Variants in GFRAL observed in about 807,000 individuals in gnomAD.
GFRAL encodes GDNF family receptor alpha like.
Under a neutral mutation model 45.4 loss-of-function variants are expected in GFRAL, and 36 were observed. The ratio of observed to expected loss-of-function variants is 0.79; its 90% CI spans 0.61 to 1.05. The LOEUF (loss-of-function observed/expected upper bound fraction) is 1.05, where lower values mean the gene tolerates loss of function less well. Among genes scored for constraint, GFRAL ranks in the 50% least tolerant of loss-of-function variants. The pLI, the probability that GFRAL is intolerant of heterozygous loss-of-function variation, is 0.00. For missense variants in GFRAL, 507 were observed against 467.5 expected (o/e 1.08, Z -0.78); for synonymous variants, 166 against 154.1 (o/e 1.08, Z -0.57).
chr6:55,337,057 G>A (rs1256256916), intron 3 of GFRAL, among the ~76,000 whole-genome samples: 1 of 151,860 alleles, frequency 6.6e-6, no homozygotes, highest in Non-Finnish European at 1.5e-5. Flanking sequence ...TAGTAAATTA[G>A]TGTTAACTAT....
chr6:55,331,941 T>G, intron 2 of GFRAL, 92 bp downstream of exon 2: 1 of 1,159,862 alleles, frequency 8.6e-7, no homozygotes, highest in Non-Finnish European at 1.2e-6. Context: ...AAGAACTAAG[T>G]TTTTTTCTAT....
chr6:55,371,132 G>A (rs1768445052), intron 6 of GFRAL, among the ~76,000 whole-genome samples: 1 of 152,090 alleles, frequency 6.6e-6, no homozygotes, highest in Non-Finnish European at 1.5e-5. Flanking sequence ...CTTTCACAAT[G>A]AAAAGTAATT....
chr6:55,348,494 T>C (rs1041904398), intron 3 of GFRAL, among the ~76,000 whole-genome samples: 2 of 152,086 alleles, frequency 1.3e-5, no homozygotes, highest in Admixed American at 1.3e-4. Flanking sequence ...AAAAATTGTA[T>C]TTTTCCCCAG....
intron 6 of GFRAL, among the ~76,000 whole-genome samples, chr6:55,362,859 A>C (rs1181274430): frequency 6.6e-6 from 1 of 151,726 alleles, no homozygotes; most frequent in Non-Finnish European, 1.5e-5. Flanking sequence ...AGGAGAAAGA[A>C]AAGGAGGAAG....
chr6:55,360,455 T>C (rs1308200249), intron 6 of GFRAL, among the ~76,000 whole-genome samples: 1 of 152,070 alleles, frequency 6.6e-6, no homozygotes, highest in Non-Finnish European at 1.5e-5. Context: ...TTTACACATT[T>C]ATATTTCTAT....
intron 1 of GFRAL, among the ~76,000 whole-genome samples, chr6:55,330,029 T>C (rs1000571310): frequency 3.9e-5 from 6 of 152,164 alleles, no homozygotes; most frequent in African/African-American, 1.4e-4. Context: ...TCAATCCCTG[T>C]ATTTTTTTCT....
intron 6 of GFRAL, among the ~76,000 whole-genome samples, chr6:55,390,198 G>A (rs1165679605): frequency 6.6e-6 from 1 of 152,180 alleles, no homozygotes; most frequent in African/African-American, 2.4e-5. Flanking sequence ...AGGTAAGTGA[G>A]AGAAGAGAAA....
At chr6:55,357,702 A>G (rs967935907) in intron 5 of GFRAL, among the ~76,000 whole-genome samples, 3 of 151,742 alleles carry the variant, frequency 2.0e-5, no homozygotes, top group African/African-American at 7.3e-5. Context: ...CAGTGTACCA[A>G]AGTAGTATTT....
At chr6:55,378,163 T>A (rs1194077404) in intron 6 of GFRAL, among the ~76,000 whole-genome samples, 1 of 151,938 alleles carries the variant, frequency 6.6e-6, no homozygotes, top group African/African-American at 2.4e-5. Context: ...AGAAAAGTAC[T>A]GGGAAAAGAA....
At chr6:55,338,918 G>A (rs1767924899) in intron 3 of GFRAL, among the ~76,000 whole-genome samples, 1 of 152,052 alleles carries the variant, frequency 6.6e-6, no homozygotes, top group African/African-American at 2.4e-5. Flanking sequence ...TTTAAATAGA[G>A]GAATGTATCA....
At chr6:55,397,524 CAAAAAAA>C (rs70986715) in intron 6 of GFRAL, among the ~76,000 whole-genome samples, 14 of 67,414 alleles carry the variant, frequency 2.1e-4, no homozygotes, top group African/African-American at 6.6e-4. Flanking sequence ...GACTCCGTCT[CAAAAAAA>C]AAAAAAAAAA....
At chr6:55,398,381 A>C (rs1768853696) in intron 6 of GFRAL, among the ~76,000 whole-genome samples, 1 of 151,698 alleles carries the variant, frequency 6.6e-6, no homozygotes, top group Admixed American at 6.6e-5. Flanking sequence ...TCATTACATA[A>C]ATTGGTTACT....
At chr6:55,368,391 C>T (rs1228646021) in intron 6 of GFRAL, among the ~76,000 whole-genome samples, 1 of 151,560 alleles carries the variant, frequency 6.6e-6, no homozygotes, top group African/African-American at 2.4e-5. Context: ...GTTTGAATGT[C>T]CTCCCGTAGC....
chr6:55,401,834 A>T lies in GFRAL; in HGVS notation c.1166A>T (p.Gln389Leu), dbSNP rs1481432896. The T allele has an allele frequency of 2.6e-6, 4 of 1,533,542 alleles. No homozygotes were observed. In the South Asian group the frequency reaches 3.4e-5, roughly 13 times the overall value. The allele number at this position is 1,533,542 out of a possible 1,614,324, so 95.0% of individuals were successfully genotyped here. Residue 389 changes from glutamine (Q) to leucine (L), a missense_variant, in exon 9 of 9, where the codon CAA (glutamine) becomes CTA (leucine). Gln to Leu is a moderately radical substitution (Grantham distance 113). Transcript: ENST00000340465. The part of the protein sequence containing the change: ...SSKARDPSSI[Q>L]IPGEL ...AAAGCAAGAGATCCTTCATCGATCC[A>T]AATACCTGGAGAACTCTGATTCATT...
rs552438869 is a variant in GFRAL at position 55,375,852 on chromosome 6, G to A, written c.952+16714G>A. ...TTCCTATCTGAATACCCTTTATTTC[G>A]TTCCCTTGCCTGATTTCCCTGGCCA... On this transcript the variant is annotated intron_variant, in intron 6 of 8. Coordinates refer to ENST00000340465, the MANE Select transcript of GFRAL (RefSeq NM_207410.2). 7.2e-5 allele frequency among the ~76,000 whole-genome samples: 11 copies of A among 151,922 alleles called. No homozygotes were observed. The East Asian group carries it at 7.7e-4, about 11-fold the overall frequency.
At position 55,379,479 on chromosome 6, in the gene GFRAL, A is replaced by AT. The variant is rs553545598; in HGVS notation, c.953-19695dup. On this transcript the variant is annotated intron_variant, in intron 6 of 8. Transcript: ENST00000340465. ...TACTGCTACACATTTTTCAGAATTTATTTTTTATGTTTTGCTTTTTCCCCA... is the reference window on the plus strand; with the variant it reads ...TACTGCTACACATTTTTCAGAATTTATTTTTTTATGTTTTGCTTTTTCCCCA... Among the ~76,000 whole-genome samples the AT allele has an allele frequency of 5.5e-3, 836 of 150,944 alleles. 9 individuals are homozygous for AT. Among genetic ancestry groups the AT allele is most frequent in the South Asian group, 0.034 (159 of 4,730 alleles).
chr6:55,371,864 A>G (rs2127360841), intron 6 of GFRAL, among the ~76,000 whole-genome samples: 1 of 152,316 alleles, frequency 6.6e-6, no homozygotes, highest in Admixed American at 6.5e-5. Flanking sequence ...ACACAAATAA[A>G]CCCAACTTAT....
At chr6:55,388,314 A>C (rs752218907) in intron 6 of GFRAL, among the ~76,000 whole-genome samples, 4 of 152,186 alleles carry the variant, frequency 2.6e-5, no homozygotes, top group Non-Finnish European at 4.4e-5. Context: ...AGGCGATCTG[A>C]AACAAGAAAA....
chr6:55,379,598 A>C (rs2134293), intron 6 of GFRAL, among the ~76,000 whole-genome samples: 4,839 of 47,534 alleles, frequency 0.1, 151 homozygotes, highest in African/African-American at 0.2. Flanking sequence ...CACACACACA[A>C]ACTGTGGAAT....
Sources: allele counts gnomAD v4.1 joint callset (sites outside exome capture counted in the v4.1 genomes callset), GRCh38; gene constraint gnomAD v4.1.1; transcripts MANE v1.5; gene names NCBI Gene and HGNC (gene_info 2026-07-23, HGNC 2026-07-21).